Variants in ANKRD12 observed in about 807,000 individuals in gnomAD.
The protein encoded by ANKRD12 is ankyrin repeat domain-containing protein 12.
A neutral mutation model predicts 183.4 loss-of-function variants in ANKRD12; 85 were observed. That is an observed-to-expected ratio of 0.46 (90% CI 0.39 to 0.56). The LOEUF (loss-of-function observed/expected upper bound fraction) is 0.56, where lower values mean the gene tolerates loss of function less well. ANKRD12 is among the 20% of genes least tolerant of loss of function. The pLI, the probability that ANKRD12 is intolerant of heterozygous loss-of-function variation, is 0.00. For missense variants in ANKRD12, 2,405 were observed against 2,357.1 expected (o/e 1.02, Z -0.42); for synonymous variants, 914 against 800.2 (o/e 1.14, Z -2.40).
chr18:9,230,632 G>A (rs2036985355), intron 8 of ANKRD12, among the ~76,000 whole-genome samples: 1 of 150,394 alleles, frequency 6.6e-6, no homozygotes, highest in Non-Finnish European at 1.5e-5. Context: ...CCAGGTTTTG[G>A]TATGTTGTGT....
intron 10 of ANKRD12, among the ~76,000 whole-genome samples, chr18:9,265,002 C>T (rs1293638543): frequency 6.6e-6 from 1 of 152,258 alleles, no homozygotes; most frequent in Non-Finnish European, 1.5e-5. Flanking sequence ...TAAGAGAGTG[C>T]TACGCCCACG....
In ANKRD12 at chr18:9,282,857, T is replaced by TA. The variant is rs11446639; in HGVS notation, c.*1741dup. ...GGCATGCGCAATAAAGCAGCACATG[T>TA]AAAAAAAAAATACACAGTGCAAGGA... is the stretch of plus-strand genomic sequence containing the variant. On this transcript the variant is annotated 3_prime_UTR_variant, in exon 13 of 13. Coordinates refer to ENST00000262126, the MANE Select transcript of ANKRD12 (RefSeq NM_015208.5). 0.28 allele frequency: 42,787 copies of TA among 150,518 alleles called. 6,951 individuals carry two copies. The highest frequency in any genetic ancestry group is 0.49 in the South Asian group (2,343 of 4,784). The allele number at this position is 150,518 out of a possible 1,614,324, so 9.3% of individuals were successfully genotyped here. A position where few individuals can be genotyped will look rare whatever the true frequency, so the allele number is the denominator to read the frequency against.
At chr18:9,165,885 A>G (rs2032005022) in intron 1 of ANKRD12, among the ~76,000 whole-genome samples, 1 of 94,690 alleles carries the variant, frequency 1.1e-5, no homozygotes, top group African/African-American at 4.2e-5. Flanking sequence ...CCCACCCCAC[A>G]ACAGTCCCTG....
In ANKRD12 at chr18:9,257,431, C is replaced by T. The variant is rs149123263; in HGVS notation, c.4164C>T (p.Leu1388=). 27 of 1,613,978 alleles carry T rather than the reference C, an allele frequency of 1.7e-5. No homozygotes were observed. Among genetic ancestry groups the T allele is most frequent in the Non-Finnish European group, 2.2e-5 (26 of 1,180,006 alleles). Residue 1388 remains leucine (L), a synonymous_variant, in exon 9 of 13, where the codon CTC becomes CTT. Transcript: ENST00000262126. ...AGTATGTTTCAGCTGATAGAAATCTCATCAAGAATACTGCCCCAGTGAACA... is the reference window on the plus strand; with the variant it reads ...AGTATGTTTCAGCTGATAGAAATCTTATCAAGAATACTGCCCCAGTGAACA... ...NSKYVSADRN[L]IKNTAPVNTV... is the part of the protein sequence containing the mutation.
chr18:9,280,501 C>T (rs2040060880), intron 12 of ANKRD12, among the ~76,000 whole-genome samples: 1 of 152,150 alleles, frequency 6.6e-6, no homozygotes, highest in South Asian at 2.1e-4. Flanking sequence ...CAGAAATGGA[C>T]TTGTAGGCCG....
chr18:9,258,268 A>G lies in ANKRD12; in HGVS notation c.5001A>G (p.Gln1667=), dbSNP rs1177384445. ...TGCCAAAAGGAAACCTAAATGAACA[A>G]GATCCAAAACATTGTCCTGAAAGTG... ...AGMPKGNLNE[Q]DPKHCPESEK... Residue 1667 remains glutamine, a synonymous_variant, in exon 9 of 13, where the codon CAA becomes CAG. Coordinates refer to ENST00000262126, the MANE Select transcript of ANKRD12 (RefSeq NM_015208.5). 11 of 1,613,700 alleles carry G rather than the reference A, an allele frequency of 6.8e-6. No individual in the cohort carries two copies. Among genetic ancestry groups the G allele is most frequent in the African/African-American group, 2.7e-5 (2 of 74,926 alleles).
intron 1 of ANKRD12, among the ~76,000 whole-genome samples, chr18:9,181,401 C>G (rs906065614): frequency 2.6e-5 from 4 of 152,162 alleles, no homozygotes; most frequent in African/African-American, 9.7e-5. Flanking sequence ...ACTAGAATGA[C>G]AGCTAACTTA....
intron 3 of ANKRD12, among the ~76,000 whole-genome samples, chr18:9,198,967 T>G (rs193206570): frequency 1.3e-5 from 2 of 152,204 alleles, no homozygotes; most frequent in Non-Finnish European, 2.9e-5. Flanking sequence ...TATGATAAAT[T>G]CAATGAAGAA....
intron 8 of ANKRD12, among the ~76,000 whole-genome samples, chr18:9,227,297 TGTGA>T (rs1485558904): frequency 3.9e-5 from 6 of 152,274 alleles, no homozygotes; most frequent in Non-Finnish European, 8.8e-5. Context: ...TCTAACTTCT[TGTGA>T]GTGTGAAATT....
At chr18:9,156,107 C>G (rs2030387767) in intron 1 of ANKRD12, among the ~76,000 whole-genome samples, 2 of 140,442 alleles carry the variant, frequency 1.4e-5, no homozygotes, top group East Asian at 4.0e-4. Flanking sequence ...CACTGCACTC[C>G]AGCCTGGGCA....
intron 10 of ANKRD12, among the ~76,000 whole-genome samples, chr18:9,271,158 A>G (rs529430916): frequency 2.0e-5 from 3 of 152,216 alleles, no homozygotes; most frequent in Admixed American, 6.5e-5. Context: ...TGCAGCCTCA[A>G]CCTTCCAGGC....
rs75884628 is a variant in ANKRD12, at chr18:9,158,179, A to G, written c.-52+21214A>G. On this transcript the variant is annotated intron_variant, in intron 1 of 12. Coordinates refer to ENST00000262126, the MANE Select transcript of ANKRD12 (RefSeq NM_015208.5). ...TGTACAGAAAAACTGTGAAGATAGT[A>G]CAGAGGTTTCCTGTGTACCTTTATA... Among the ~76,000 whole-genome samples, 12 of 152,332 alleles carry G rather than the reference A, an allele frequency of 7.9e-5. No homozygotes were observed. In the East Asian group the frequency reaches 2.3e-3, roughly 29 times the overall value.
intron 7 of ANKRD12, among the ~76,000 whole-genome samples, chr18:9,218,678 T>C (rs201108401): frequency 8.2e-5 from 12 of 147,130 alleles, no homozygotes; most frequent in Non-Finnish European, 1.4e-4. Context: ...TTTTTTTTTT[T>C]CTTTTTTTTG....
chr18:9,159,063 A>G (rs1414923182), intron 1 of ANKRD12, among the ~76,000 whole-genome samples: 1 of 152,062 alleles, frequency 6.6e-6, no homozygotes, highest in Non-Finnish European at 1.5e-5. Context: ...TGGGAGTGCA[A>G]GATTATCCAG....
At chr18:9,275,885 A>C (rs2039809748) in intron 11 of ANKRD12, among the ~76,000 whole-genome samples, 1 of 152,248 alleles carries the variant, frequency 6.6e-6, no homozygotes, top group Non-Finnish European at 1.5e-5. Context: ...GCAGATGATC[A>C]CAAAACACCT....
intron 2 of ANKRD12, among the ~76,000 whole-genome samples, chr18:9,187,888 T>G (rs939303091): frequency 2.6e-5 from 4 of 152,226 alleles, no homozygotes; most frequent in African/African-American, 9.6e-5. Context: ...ATCAGTGTAG[T>G]TCAGACATTC....
At chr18:9,272,049 G>A (rs1356705157) in intron 10 of ANKRD12, among the ~76,000 whole-genome samples, 1 of 152,106 alleles carries the variant, frequency 6.6e-6, no homozygotes, top group Non-Finnish European at 1.5e-5. Context: ...ACTTCCCCAT[G>A]CTGCACTCTA....
intron 7 of ANKRD12, among the ~76,000 whole-genome samples, chr18:9,219,595 T>TC (rs1380982165): frequency 6.6e-6 from 1 of 151,960 alleles, no homozygotes; most frequent in Non-Finnish European, 1.5e-5. Context: ...TCCTCTTGCC[T>TC]CCTCCCTCTC....
intron 1 of ANKRD12, among the ~76,000 whole-genome samples, chr18:9,156,748 C>T (rs62085884): frequency 0.034 from 5,200 of 152,148 alleles, 119 homozygotes; most frequent in Non-Finnish European, 0.055. Context: ...GTGGTATATA[C>T]GTAAATGGAA....
Sources: allele counts gnomAD v4.1 joint callset (sites outside exome capture counted in the v4.1 genomes callset), GRCh38; gene constraint gnomAD v4.1.1; transcripts MANE v1.5; gene names NCBI Gene and HGNC (gene_info 2026-07-23, HGNC 2026-07-21).